MAN2C1: variants seen among roughly 807,000 people sequenced by gnomAD.
MAN2C1 encodes mannosidase alpha class 2C member 1, also known as alpha-mannosidase 2C1.
Under a neutral mutation model 126.9 loss-of-function variants are expected in MAN2C1, and 111 were observed. The ratio of observed to expected loss-of-function variants is 0.87; its 90% CI spans 0.75 to 1.02. MAN2C1 has a LOEUF of 1.02. MAN2C1 is among the 50% of genes least tolerant of loss of function. The pLI is 0.00. For missense variants in MAN2C1, 1,363 were observed against 1,364.4 expected (o/e 1.00, Z 0.02); for synonymous variants, 567 against 561.5 (o/e 1.01, Z -0.14).
At chr15:75,368,339 AC>A in intron 1 of MAN2C1, 141 bp from the exon 2 acceptor site, 5 of 1,405,856 alleles carry the variant, frequency 3.6e-6, no homozygotes, top group Non-Finnish European at 3.8e-6. Flanking sequence ...TCCATTCCCT[AC>A]CCCCTCCTCC....
In MAN2C1 at chr15:75,367,902, C is replaced by T. The variant is rs921633986; in HGVS notation, c.227+171G>A. On this transcript the variant is annotated intron_variant, in intron 2 of 25. Transcript: ENST00000267978. The stretch of plus-strand genomic sequence containing the variant: ...GGGAATGAAAACCATCCCCTGAAGA[C>T]CCAGGGACCAGAGAGCTGTTCCCAG... The T allele has an allele frequency of 4.0e-6, 4 of 1,010,152 alleles. No individual in the cohort carries two copies. In the African/African-American group the frequency reaches 4.9e-5, roughly 12 times the overall value. 62.6% of individuals were successfully genotyped at this position (1,010,152 alleles called of 1,614,324 possible).
At chr15:75,363,962 C>T (rs1473499848) in intron 6 of MAN2C1, 37 bp downstream of exon 6, 1 of 1,609,528 alleles carries the variant, frequency 6.2e-7, no homozygotes, top group East Asian at 2.2e-5. Flanking sequence ...AAGGGCACTC[C>T]TGCTTCCCCA....
rs1161103751 is a variant in MAN2C1, at chr15:75,361,106, C to T, written c.1400G>A (p.Gly467Asp). The change falls in exon 12 of 26, where the codon GGC becomes GAC. Residue 467 changes from glycine to aspartate, a missense_variant. By Grantham distance (94) the Gly-to-Asp change is moderately conservative. Coordinates refer to ENST00000267978, the MANE Select transcript of MAN2C1 (RefSeq NM_006715.4). The surrounding 1 kb of genome is among the most constrained non-coding windows in gnomAD (Gnocchi z 5.0). The part of the protein sequence containing the change: ...FLFGFGDGGG[G>D]PTQTMLDRLK... ...GCGGTCCAGCATGGTCTGGGTGGGG[C>T]CACCACCCCCATCCCCAAAGCCAAA... is the stretch of plus-strand genomic sequence containing the variant. The T allele has an allele frequency of 3.1e-6, 5 of 1,612,630 alleles. No individual in the cohort carries two copies. The highest frequency in any genetic ancestry group is 2.2e-5 in the South Asian group (2 of 90,706).
rs770721304 is a variant in MAN2C1, at chr15:75,356,044, G to T, written c.2997-12C>A. The T allele has an allele frequency of 2.8e-5, 45 of 1,613,820 alleles. No individual in the cohort carries two copies. The highest frequency in any genetic ancestry group is 3.6e-5 in the Non-Finnish European group (43 of 1,179,910). On this transcript the variant is annotated splice_polypyrimidine_tract_variant and intron_variant, in intron 25 of 25. Transcript: ENST00000267978. The surrounding 1 kb of genome is among the most constrained non-coding windows in gnomAD (Gnocchi z 5.8). ...CCAAGAGATCGCAGCTGGAGAACAG[G>T]AGGGGCCATGAAGGCTCTGCGAGGG... is the stretch of plus-strand genomic sequence containing the variant.
At chr15:75,366,995 G>A (rs1006413100) in intron 3 of MAN2C1, among the ~76,000 whole-genome samples, 5 of 152,158 alleles carry the variant, frequency 3.3e-5, no homozygotes, top group African/African-American at 1.2e-4. Flanking sequence ...TGGACACCAG[G>A]AGATATTTGC....
At position 75,362,487 on chromosome 15, in the gene MAN2C1, T is replaced by A. The variant is rs1054138021; in HGVS notation, c.898-34A>T. The A allele has an allele frequency of 5.7e-6, 9 of 1,570,938 alleles. No homozygotes were observed. Among genetic ancestry groups the A allele is most frequent in the Middle Eastern group, 1.7e-4 (1 of 5,892 alleles). Reference sequence around the variant, plus strand: ...AGGTTGAAGGGAGCTGGGACCAGAGTGACAAGGGCCCCACCCAGGACTGAG... The same window carrying A: ...AGGTTGAAGGGAGCTGGGACCAGAGAGACAAGGGCCCCACCCAGGACTGAG... On this transcript the variant is annotated intron_variant, in intron 7 of 25. Transcript: ENST00000267978. This position sits in a 1 kb window ranked among gnomAD's most constrained non-coding sequence, Gnocchi z 4.5.
In MAN2C1 at chr15:75,361,699, C is replaced by A; in HGVS notation, c.1123G>T (p.Gly375Cys). 1 of 1,613,948 alleles carries A rather than the reference C, an allele frequency of 6.2e-7. No homozygotes were observed. Among genetic ancestry groups the A allele is most frequent in the South Asian group, 1.1e-5 (1 of 91,078 alleles). The stretch of plus-strand genomic sequence containing the variant: ...ATCTGGGGGAGCTGTGCTGAGTAGC[C>A]AAAGGTGTCCGGCAGCCAGAACTGT... ...CSEFWLPDTFGYSAQLPQIMH... is the reference protein window; with the variant it reads ...CSEFWLPDTFCYSAQLPQIMH... The change falls in exon 10 of 26, where the codon GGC becomes TGC. Residue 375 changes from glycine (G) to cysteine (C), a missense_variant. By Grantham distance (159) the Gly-to-Cys change is radical. Coordinates refer to ENST00000267978, the MANE Select transcript of MAN2C1 (RefSeq NM_006715.4). The surrounding 1 kb of genome is among the most constrained non-coding windows in gnomAD (Gnocchi z 5.0).
At chr15:75,366,171 G>C (rs1048656507) in intron 4 of MAN2C1, among the ~76,000 whole-genome samples, 4 of 152,204 alleles carry the variant, frequency 2.6e-5, no homozygotes, top group African/African-American at 9.6e-5. Flanking sequence ...TTACTTCTTT[G>C]TGCTTTCCTG....
rs772411347 is a variant in MAN2C1 at position 75,359,318 on chromosome 15, C to T, written c.2046+10G>A. On this transcript the variant is annotated intron_variant, in intron 17 of 25. Coordinates refer to ENST00000267978, the MANE Select transcript of MAN2C1 (RefSeq NM_006715.4). Reference sequence around the variant, plus strand: ...CACAGTTCCTGCCCCCCAGGGCATGCAGGACTCACCTCTTGCACTACGAAC... The same window carrying T: ...CACAGTTCCTGCCCCCCAGGGCATGTAGGACTCACCTCTTGCACTACGAAC... 4 of 1,583,442 alleles carry T rather than the reference C, an allele frequency of 2.5e-6. No homozygotes were observed. The highest frequency in any genetic ancestry group is 3.5e-5 in the Admixed American group (2 of 57,544).
chr15:75,362,527 T>A lies in MAN2C1; in HGVS notation c.898-74A>T. ...CCAGGACTGAGCATATGGGACTCAGTGTGTGGCTGAGGGTGAGGAGCAGCC... is the reference window on the plus strand; with the variant it reads ...CCAGGACTGAGCATATGGGACTCAGAGTGTGGCTGAGGGTGAGGAGCAGCC... On this transcript the variant is annotated intron_variant, in intron 7 of 25. Coordinates refer to ENST00000267978, the MANE Select transcript of MAN2C1 (RefSeq NM_006715.4). This position sits in a 1 kb window ranked among gnomAD's most constrained non-coding sequence, Gnocchi z 4.5. 6.6e-7 allele frequency: 1 copy of A among 1,524,306 alleles called. No homozygotes were observed. The highest frequency in any genetic ancestry group is 1.2e-5 in the South Asian group (1 of 86,104). 94.4% of individuals were successfully genotyped at this position (1,524,306 alleles called of 1,614,324 possible). A position where few individuals can be genotyped will look rare whatever the true frequency, so the allele number is the denominator to read the frequency against.
intron 2 of MAN2C1, 146 bp downstream of exon 2, chr15:75,367,927 G>T (rs1385264303): frequency 1.8e-6 from 2 of 1,139,114 alleles, no homozygotes; most frequent in African/African-American, 1.6e-5. Context: ...GCTGTTCCCA[G>T]CAGAGGGTGC....
At position 75,367,734 on chromosome 15, in the gene MAN2C1, C is replaced by T; in HGVS notation, c.228-100G>A. On this transcript the variant is annotated intron_variant, in intron 2 of 25. Transcript: ENST00000267978. The stretch of plus-strand genomic sequence containing the variant: ...CAGGGGCTTGAAACTCTCCAAGCAT[C>T]TGCAGTGTCACAAGGTACTCAGCTT... The T allele has an allele frequency of 2.1e-6, 3 of 1,459,986 alleles. No individual in the cohort carries two copies. In the South Asian group the frequency reaches 3.8e-5, roughly 18 times the overall value. 90.4% of individuals were successfully genotyped at this position (1,459,986 alleles called of 1,614,324 possible).
chr15:75,360,510 C>A, intron 13 of MAN2C1, 55 bp downstream of exon 13: 1 of 1,601,020 alleles, frequency 6.2e-7, no homozygotes, highest in South Asian at 1.1e-5. Context: ...CTTCTCTGAC[C>A]CTCTGCAGAT....
At chr15:75,359,848 C>T in intron 15 of MAN2C1, 55 bp downstream of exon 15, 1 of 1,612,390 alleles carries the variant, frequency 6.2e-7, no homozygotes, top group Non-Finnish European at 8.5e-7. Context: ...ACAGGGGACA[C>T]TCTGGGCTCA....
At chr15:75,364,463 AG>A (rs1378321220) in intron 5 of MAN2C1, 24 bp downstream of exon 5, 7 of 1,548,688 alleles carry the variant, frequency 4.5e-6, no homozygotes, top group Non-Finnish European at 6.1e-6. Context: ...AGAGGGTAGC[AG>A]GGGGTACAGG....
At chr15:75,357,754 G>A (rs2072364404) in intron 21 of MAN2C1, 1 of 176,234 alleles carries the variant, frequency 5.7e-6, no homozygotes, top group African/African-American at 2.4e-5. Flanking sequence ...CAAGTAGCTG[G>A]GACTACAGGC....
chr15:75,361,316 G>A lies in MAN2C1; in HGVS notation c.1284C>T (p.Asp428=), dbSNP rs1303855165. The change falls in exon 11 of 26, where the codon GAC becomes GAT. Residue 428 remains aspartate, a synonymous_variant. Coordinates refer to ENST00000267978, the MANE Select transcript of MAN2C1 (RefSeq NM_006715.4). This position sits in a 1 kb window ranked among gnomAD's most constrained non-coding sequence, Gnocchi z 5.0. ...SRVLVHFPPG[D]SYGMQGSVEE... Reference sequence around the variant, plus strand: ...CCACGCTGCCCTGCATCCCATAGGAGTCGCCAGGTGGGAAGTGGACCAGTA... The same window carrying A: ...CCACGCTGCCCTGCATCCCATAGGAATCGCCAGGTGGGAAGTGGACCAGTA... 1 of 1,568,982 alleles carries A rather than the reference G, an allele frequency of 6.4e-7. No homozygotes were observed. Among genetic ancestry groups the A allele is most frequent in the Non-Finnish European group, 8.6e-7 (1 of 1,156,440 alleles).
In MAN2C1 at chr15:75,356,946, CTT is replaced by C; in HGVS notation, c.2548-46_2548-45del. On this transcript the variant is annotated intron_variant, in intron 21 of 25. Coordinates refer to ENST00000267978, the MANE Select transcript of MAN2C1 (RefSeq NM_006715.4). The surrounding 1 kb of genome is among the most constrained non-coding windows in gnomAD (Gnocchi z 5.8). ...ACCCACTTGGTGGCCCTGTGCCCCT[CTT>C]TGTGCTCCCAGACTCCAGAGCTCCT... 1 of 1,519,444 alleles carries C rather than the reference CTT, an allele frequency of 6.6e-7. No homozygotes were observed. The highest frequency in any genetic ancestry group is 1.4e-5 in the African/African-American group (1 of 73,204). The allele number at this position is 1,519,444 out of a possible 1,614,324, so 94.1% of individuals were successfully genotyped here.
At chr15:75,364,784 TACCC>T in intron 4 of MAN2C1, 119 bp from the exon 5 acceptor site, 6 of 806,018 alleles carry the variant, frequency 7.4e-6, no homozygotes, top group Non-Finnish European at 1.1e-5. Context: ...CAGGATCCAC[TACCC>T]AGAGGATCCC....
Sources: gnomAD v4.1 joint callset for allele counts (sites outside exome capture counted in the v4.1 genomes callset) on GRCh38, gnomAD v4.1.1 for gene constraint, Gnocchi (gnomAD v3.1) non-coding constraint, MANE v1.5 for transcripts, NCBI Gene and HGNC (gene_info 2026-07-23, HGNC 2026-07-21) for gene names.